Variants in RNF6 observed in about 807,000 individuals in gnomAD.
The protein encoded by RNF6 is ring finger protein 6, also known as E3 ubiquitin-protein ligase RNF6.
Under a neutral mutation model 50.1 loss-of-function variants are expected in RNF6, and 21 were observed. The observed-to-expected ratio is 0.42, with a 90% CI of 0.30 to 0.60. RNF6 has a LOEUF of 0.60. Ranked by LOEUF, RNF6 falls within the 20% of genes least tolerant of loss-of-function variation. RNF6 has a pLI of 0.20. For missense variants in RNF6, 698 were observed against 838.2 expected (o/e 0.83, Z 2.07); for synonymous variants, 255 against 291.8 (o/e 0.87, Z 1.29).
intron 5 of RNF6, among the ~76,000 whole-genome samples, chr13:26,144,408 G>A (rs796908066): frequency 9.3e-5 from 14 of 151,072 alleles, no homozygotes; most frequent in African/African-American, 3.4e-4. Flanking sequence ...TTTCAGAGAG[G>A]TCTACCCACA....
At chr13:26,160,887 T>C (rs1872181863) in intron 5 of RNF6, among the ~76,000 whole-genome samples, 1 of 152,130 alleles carries the variant, frequency 6.6e-6, no homozygotes, top group Non-Finnish European at 1.5e-5. Flanking sequence ...TCTCTCTGGA[T>C]GTCCTCAGAT....
intron 5 of RNF6, among the ~76,000 whole-genome samples, chr13:26,180,770 A>C (rs1400316878): frequency 1.3e-5 from 2 of 152,186 alleles, no homozygotes; most frequent in African/African-American, 4.8e-5. Context: ...ATTTGGGAGG[A>C]AATGCTCCAA....
intron 5 of RNF6, among the ~76,000 whole-genome samples, chr13:26,187,388 G>A (rs546745692): frequency 6.6e-6 from 1 of 152,358 alleles, no homozygotes; most frequent in South Asian, 2.1e-4. Context: ...TGTCCAGTGT[G>A]AGAATGTCAG....
At chr13:26,170,817 T>C (rs1482832089) in intron 5 of RNF6, among the ~76,000 whole-genome samples, 1 of 152,226 alleles carries the variant, frequency 6.6e-6, no homozygotes, top group African/African-American at 2.4e-5. Flanking sequence ...AAGGGAATAT[T>C]GGAGCCACAC....
intron 4 of RNF6, among the ~76,000 whole-genome samples, chr13:26,216,701 TCCCAG>T (rs1181163001): frequency 2.6e-5 from 4 of 152,176 alleles, no homozygotes; most frequent in Admixed American, 2.6e-4. Context: ...ACACCTGTAA[TCCCAG>T]CACTTTGGGA....
chr13:26,206,692 G>C (rs1056484722), intron 5 of RNF6, among the ~76,000 whole-genome samples: 1 of 152,136 alleles, frequency 6.6e-6, no homozygotes, highest in Non-Finnish European at 1.5e-5. Flanking sequence ...TAATGTAGAA[G>C]CTATTTGTAA....
intron 5 of RNF6, among the ~76,000 whole-genome samples, chr13:26,159,362 C>T (rs922512985): frequency 5.9e-5 from 9 of 152,128 alleles, no homozygotes; most frequent in Admixed American, 2.0e-4. Context: ...CGGTGGCTCA[C>T]GCCTGTAATC....
chr13:26,172,726 G>T (rs891640855), intron 5 of RNF6, among the ~76,000 whole-genome samples: 6 of 152,150 alleles, frequency 3.9e-5, no homozygotes, highest in Admixed American at 1.3e-4. Context: ...TGTATTTTTA[G>T]TACAGATAAG....
intron 5 of RNF6, among the ~76,000 whole-genome samples, chr13:26,185,521 C>A (rs1447602038): frequency 6.6e-6 from 1 of 151,906 alleles, no homozygotes; most frequent in Non-Finnish European, 1.5e-5. Flanking sequence ...CCGAGGTGGG[C>A]GGATCACGAG....
intron 5 of RNF6, among the ~76,000 whole-genome samples, chr13:26,184,253 G>C (rs965182274): frequency 6.6e-6 from 1 of 151,624 alleles, no homozygotes; most frequent in Non-Finnish European, 1.5e-5. Context: ...GGATGGTCTC[G>C]ATCTCCTGAC....
chr13:26,151,142 C>T (rs1232684512), intron 5 of RNF6, among the ~76,000 whole-genome samples: 1 of 152,172 alleles, frequency 6.6e-6, no homozygotes, highest in Non-Finnish European at 1.5e-5. Flanking sequence ...CTTAACAACA[C>T]CTCAGTCATA....
intron 5 of RNF6, among the ~76,000 whole-genome samples, chr13:26,152,973 C>T (rs1279975690): frequency 4.0e-5 from 6 of 151,774 alleles, no homozygotes; most frequent in Admixed American, 3.9e-4. Context: ...ACCAACATGG[C>T]AAAACCCTGT....
rs1463079183 is a variant in RNF6, at chr13:26,162,271, C to T, written n.769-29820G>A. 2.0e-5 allele frequency among the ~76,000 whole-genome samples: 3 copies of T among 152,272 alleles called. No homozygotes were observed. In the East Asian group the frequency reaches 5.8e-4, roughly 29 times the overall value. ...AAAGACCATCCCTCTAGCTTAGAAC[C>T]CACTGGAATCATTCAAACTAGCCAG... is the stretch of plus-strand genomic sequence containing the variant. On this transcript the variant is annotated intron_variant and non_coding_transcript_variant, in intron 5 of 5. Transcript: ENST00000468480.
At chr13:26,205,702 C>A (rs1195633602) in intron 5 of RNF6, among the ~76,000 whole-genome samples, 3 of 152,200 alleles carry the variant, frequency 2.0e-5, no homozygotes, top group African/African-American at 7.2e-5. Flanking sequence ...AACCTAAATC[C>A]TTTCTCTTTG....
At chr13:26,141,253 C>A (rs1870929644) in intron 5 of RNF6, among the ~76,000 whole-genome samples, 2 of 151,932 alleles carry the variant, frequency 1.3e-5, no homozygotes, top group East Asian at 1.9e-4. Flanking sequence ...AACAGTGATA[C>A]CCCATCTCTA....
chr13:26,149,522 G>A (rs997622595), intron 5 of RNF6, among the ~76,000 whole-genome samples: 17 of 151,858 alleles, frequency 1.1e-4, no homozygotes, highest in African/African-American at 4.1e-4. Flanking sequence ...GGGAGGCGGA[G>A]CTTGCAGTGA....
chr13:26,184,016 ATATTTTTTTTTTTT>A (rs1307057528), intron 5 of RNF6, among the ~76,000 whole-genome samples: 5,003 of 38,068 alleles, frequency 0.13, 62 homozygotes, highest in Non-Finnish European at 0.17. Context: ...ATATATATAT[ATATTTTTTTTTTTT>A]TTTTTTTTTT....
intron 5 of RNF6, among the ~76,000 whole-genome samples, chr13:26,161,792 A>G (rs781037287): frequency 7.2e-5 from 11 of 152,252 alleles, no homozygotes; most frequent in Non-Finnish European, 1.3e-4. Flanking sequence ...TGTCAGGTTC[A>G]CCTCAACGCA....
At chr13:26,210,768 A>C (rs569158228), downstream of RNF6, among the ~76,000 whole-genome samples, 9 of 152,350 alleles carry the variant, frequency 5.9e-5, no homozygotes, top group South Asian at 1.7e-3. Context: ...AAAATACTTC[A>C]AGGAGAGCTT....
Sources: allele counts gnomAD v4.1 joint callset (sites outside exome capture counted in the v4.1 genomes callset), GRCh38; gene constraint gnomAD v4.1.1; transcripts MANE v1.5; gene names NCBI Gene and HGNC (gene_info 2026-07-23, HGNC 2026-07-21).